TMEM212: variants seen among roughly 807,000 people sequenced by gnomAD.
TMEM212 encodes the protein transmembrane protein 212.
TMEM212 carries 23 observed loss-of-function variants against 20.5 expected under a neutral mutation model. That is an observed-to-expected ratio of 1.12 (90% CI 0.81 to 1.59). The LOEUF (loss-of-function observed/expected upper bound fraction) is 1.59, where lower values mean the gene tolerates loss of function less well. TMEM212 is among the 40% of genes most tolerant of loss of function. The pLI, the probability that TMEM212 is intolerant of heterozygous loss-of-function variation, is 0.00. For missense variants in TMEM212, 211 were observed against 215.0 expected (o/e 0.98, Z 0.12); for synonymous variants, 76 against 81.6 (o/e 0.93, Z 0.37).
In TMEM212 at chr3:171,857,634, C is replaced by T. The variant is rs151026733; in HGVS notation, c.*4-427C>T. Among the ~76,000 whole-genome samples, 360 of 152,166 alleles carry T rather than the reference C, an allele frequency of 2.4e-3. 1 individual carries two copies. Among genetic ancestry groups the T allele is most frequent in the African/African-American group, 8.1e-3 (338 of 41,520 alleles). ...GCTTACAGAATTTTCAAACCATATA[C>T]AGGACAAGGGATTAATATCCAAAAT... On this transcript the variant is annotated intron_variant, in intron 4 of 4. Transcript: ENST00000334567.
chr3:171,849,698 C>T (rs1173937225), intron 1 of TMEM212, among the ~76,000 whole-genome samples: 1 of 152,160 alleles, frequency 6.6e-6, no homozygotes. Context: ...GTTTCTATTT[C>T]TATTGTGAGG....
intron 1 of TMEM212, among the ~76,000 whole-genome samples, chr3:171,851,416 G>A (rs1480237224): frequency 1.3e-5 from 2 of 152,098 alleles, no homozygotes; most frequent in Non-Finnish European, 2.9e-5. Flanking sequence ...GGACACCACT[G>A]TACCCAGAAC....
In TMEM212 at chr3:171,844,373, C is replaced by T. The variant is rs1435097371; in HGVS notation, c.159+831C>T. On this transcript the variant is annotated intron_variant, in intron 1 of 4. Coordinates refer to ENST00000334567, the MANE Select transcript of TMEM212 (RefSeq NM_001164436.2). ...TGACACTACTGGAGACTGGAGAATT[C>T]AATATTGAAGCTTTTTGATCTTAAG... is the stretch of plus-strand genomic sequence containing the variant. 2.0e-5 allele frequency among the ~76,000 whole-genome samples: 3 copies of T among 152,112 alleles called. No homozygotes were observed. The South Asian group carries it at 6.2e-4, about 32-fold the overall frequency.
At chr3:171,851,918 G>C (rs1724985862) in intron 1 of TMEM212, 64 bp from the exon 2 acceptor site, 2 of 1,417,120 alleles carry the variant, frequency 1.4e-6, no homozygotes, top group Admixed American at 2.0e-5. Flanking sequence ...CTGTGAGACA[G>C]ATTGAACTCT....
intron 1 of TMEM212, among the ~76,000 whole-genome samples, chr3:171,850,386 C>T (rs1166450023): frequency 6.6e-6 from 1 of 152,194 alleles, no homozygotes; most frequent in African/African-American, 2.4e-5. Flanking sequence ...AATTCTGCAG[C>T]ATTTTTCAAC....
intron 1 of TMEM212, among the ~76,000 whole-genome samples, chr3:171,848,962 T>C (rs893984666): frequency 6.6e-6 from 1 of 152,028 alleles, no homozygotes; most frequent in African/African-American, 2.4e-5. Context: ...TTCAAAAATC[T>C]TTCACGTTGC....
chr3:171,843,597 A>G, intron 1 of TMEM212, 55 bp downstream of exon 1: 1 of 1,405,110 alleles, frequency 7.1e-7, no homozygotes, highest in Middle Eastern at 1.8e-4. Context: ...TGGGAGGGAA[A>G]GGGAAAACAG....
At chr3:171,856,542 A>G (rs747936434) in intron 3 of TMEM212, 121 bp from the exon 4 acceptor site, 4 of 504,724 alleles carry the variant, frequency 7.9e-6, no homozygotes, top group Non-Finnish European at 1.4e-5. Context: ...TACACCCATT[A>G]GCCAGGTCAT....
chr3:171,854,962 A>T (rs918151977), intron 3 of TMEM212, among the ~76,000 whole-genome samples: 1 of 152,194 alleles, frequency 6.6e-6, no homozygotes, highest in African/African-American at 2.4e-5. Flanking sequence ...GTTAGTAAAA[A>T]GAAATTTTTT....
chr3:171,851,191 G>A (rs141941656), intron 1 of TMEM212, among the ~76,000 whole-genome samples: 5 of 152,226 alleles, frequency 3.3e-5, no homozygotes, highest in East Asian at 3.9e-4. Context: ...TGATATATGC[G>A]GATTAAGAAT....
chr3:171,856,229 A>G (rs534090699), intron 3 of TMEM212, among the ~76,000 whole-genome samples: 2 of 152,322 alleles, frequency 1.3e-5, no homozygotes, highest in East Asian at 3.9e-4. Flanking sequence ...TTAAGGACAA[A>G]ATTCTTAAAT....
intron 1 of TMEM212, among the ~76,000 whole-genome samples, chr3:171,845,422 T>C (rs1002158597): frequency 2.6e-5 from 4 of 152,236 alleles, no homozygotes; most frequent in Admixed American, 1.3e-4. Flanking sequence ...AAAATTCTGA[T>C]TTCACAAAGT....
intron 1 of TMEM212, among the ~76,000 whole-genome samples, chr3:171,844,363 C>A (rs937390385): frequency 6.6e-6 from 1 of 152,140 alleles, no homozygotes; most frequent in Non-Finnish European, 1.5e-5. Context: ...CTACTGGAGA[C>A]TGGAGAATTC....
Position 171,843,660 on chromosome 3 carries a change from C to CA in TMEM212, c.159+124dup, listed in dbSNP as rs562696835. The CA allele has an allele frequency of 3.5e-4, 296 of 855,910 alleles. 1 individual carries two copies. In the African/African-American group the frequency reaches 4.4e-3, roughly 13 times the overall value. 53.0% of individuals were successfully genotyped at this position (855,910 alleles called of 1,614,324 possible). ...ACAATACAAAGAAGTCAAAATTCCA[C>CA]AAAAAATCAGAATCCGCCTTGGAAC... On this transcript the variant is annotated intron_variant, in intron 1 of 4. Coordinates refer to ENST00000334567, the MANE Select transcript of TMEM212 (RefSeq NM_001164436.2).
intron 3 of TMEM212, among the ~76,000 whole-genome samples, chr3:171,854,838 C>T (rs996553129): frequency 2.0e-5 from 3 of 152,114 alleles, no homozygotes; most frequent in African/African-American, 7.2e-5. Context: ...AATAAACCCA[C>T]ATGTGAATGT....
At chr3:171,848,427 T>C (rs1281726288) in intron 1 of TMEM212, among the ~76,000 whole-genome samples, 1 of 152,216 alleles carries the variant, frequency 6.6e-6, no homozygotes, top group East Asian at 1.9e-4. Flanking sequence ...TCTCACTCTA[T>C]ACCCCCTTAC....
In TMEM212 at chr3:171,853,767, T is replaced by C. The variant is rs1725047208; in HGVS notation, c.460T>C (p.Cys154Arg). ...CCTGACACTTCAAGCCCTAGACCTG[T>C]GCCTAAGCTTTACCCTACTCTGTAC... is the stretch of plus-strand genomic sequence containing the variant. ...YHLTLQALDL[C>R]LSFTLLCTSL... The change falls in exon 3 of 5, where the codon TGC (cysteine) becomes CGC (arginine). Residue 154 changes from cysteine to arginine, a missense_variant. By Grantham distance (180) the Cys-to-Arg change is radical. Transcript: ENST00000334567. 6.5e-7 allele frequency: 1 copy of C among 1,537,232 alleles called. No homozygotes were observed. The highest frequency in any genetic ancestry group is 8.7e-7 in the Non-Finnish European group (1 of 1,146,910).
intron 1 of TMEM212, 56 bp from the exon 2 acceptor site, chr3:171,851,926 T>C (rs2108380937): frequency 6.8e-7 from 1 of 1,465,346 alleles, no homozygotes; most frequent in African/African-American, 1.4e-5. Flanking sequence ...CAGATTGAAC[T>C]CTTTCCAGAG....
At chr3:171,847,378 G>A (rs1323297537) in intron 1 of TMEM212, among the ~76,000 whole-genome samples, 1 of 152,220 alleles carries the variant, frequency 6.6e-6, no homozygotes, top group Non-Finnish European at 1.5e-5. Flanking sequence ...GCTAGATTTA[G>A]TTTTGCAGTC....
Sources: gnomAD v4.1 joint callset for allele counts (sites outside exome capture counted in the v4.1 genomes callset) on GRCh38, gnomAD v4.1.1 for gene constraint, MANE v1.5 for transcripts, NCBI Gene and HGNC (gene_info 2026-07-23, HGNC 2026-07-21) for gene names.